Variants in DALRD3 observed in about 807,000 individuals in gnomAD.
The protein encoded by DALRD3 is DALR anticodon binding domain containing 3, also known as DALR anticodon-binding domain-containing protein 3.
Under a neutral mutation model 56.7 loss-of-function variants are expected in DALRD3, and 47 were observed. The observed-to-expected ratio is 0.83, with a 90% CI of 0.66 to 1.06. The LOEUF (loss-of-function observed/expected upper bound fraction) is 1.06, where lower values mean the gene tolerates loss of function less well. DALRD3 is among the 50% of genes least tolerant of loss of function. DALRD3 has a pLI of 0.00. For synonymous variants in DALRD3, 347 were observed against 308.5 expected, an observed-to-expected ratio of 1.12 and a Z score of -1.31; for missense variants, 787 against 724.0, an observed-to-expected ratio of 1.09 and a Z score of -1.00.
At position 49,018,097 on chromosome 3, in the gene DALRD3, G is replaced by C; in HGVS notation, c.387C>G (p.Pro129=). The part of the protein sequence containing the change: ...LLHCPALRSS[P]CALRLSQLRT... Reference sequence around the variant, plus strand: ...GCAGCTGGCTCAAGCGGAGTGCGCAGGGGGAGCTGCGCAGTGCTGGGCAGT... The same window carrying C: ...GCAGCTGGCTCAAGCGGAGTGCGCACGGGGAGCTGCGCAGTGCTGGGCAGT... Residue 129 remains proline (P), a synonymous_variant, in exon 2 of 12, where the codon CCC becomes CCG. Coordinates refer to ENST00000341949, the MANE Select transcript of DALRD3 (RefSeq NM_001009996.3). The C allele has an allele frequency of 6.7e-7, 1 of 1,486,894 alleles. No individual in the cohort carries two copies. The highest frequency in any genetic ancestry group is 1.4e-5 in the South Asian group (1 of 72,576). 92.1% of individuals were successfully genotyped at this position (1,486,894 alleles called of 1,614,324 possible).
Position 49,018,031 on chromosome 3 carries a change from G to C in DALRD3, c.453C>G (p.Arg151=), listed in dbSNP as rs1255131449. The C allele has an allele frequency of 3.4e-6, 5 of 1,485,590 alleles. No individual in the cohort carries two copies. The highest frequency in any genetic ancestry group is 4.4e-6 in the Non-Finnish European group (5 of 1,128,294). 92.0% of individuals were successfully genotyped at this position (1,485,590 alleles called of 1,614,324 possible). A position where few individuals can be genotyped will look rare whatever the true frequency, so the allele number is the denominator to read the frequency against. The change falls in exon 2 of 12, where the codon CGC becomes CGG. Residue 151 remains arginine (R), a synonymous_variant. Transcript: ENST00000341949. ...LVADHLARAL[R]AHGVCVRLVP... is the part of the protein sequence containing the mutation. ...CCCGCGGCCCCGCTCACCCGTGAGC[G>C]CGCAGGGCTCGCGCCAGGTGATCGG... is the stretch of plus-strand genomic sequence containing the variant.
At chr3:49,019,033 T>G, upstream of DALRD3, 2 of 985,218 alleles carry the variant, frequency 2.0e-6, no homozygotes, top group Non-Finnish European at 2.4e-6. Flanking sequence ...TGTTCCGCGG[T>G]TTCAGGTTAT....
In DALRD3 at chr3:49,018,300, G is replaced by C. The variant is rs2093115614; in HGVS notation, c.184C>G (p.His62Asp). The C allele has an allele frequency of 1.4e-6, 2 of 1,462,576 alleles. No individual in the cohort carries two copies. The highest frequency in any genetic ancestry group is 1.8e-6 in the Non-Finnish European group (2 of 1,114,238). The allele number at this position is 1,462,576 out of a possible 1,614,324, so 90.6% of individuals were successfully genotyped here. ...DDGQVPEHLL[H>D]ALACLQGPGV... Reference sequence around the variant, plus strand: ...GGGCCCTGCAGGCAGGCGAGGGCATGGAGCAAATGCTCCGGAACCTGCGGG... The same window carrying C: ...GGGCCCTGCAGGCAGGCGAGGGCATCGAGCAAATGCTCCGGAACCTGCGGG... Residue 62 changes from histidine to aspartate, a missense_variant, in exon 2 of 12, where the codon CAT (histidine) becomes GAT (aspartate). Coordinates refer to ENST00000341949, the MANE Select transcript of DALRD3 (RefSeq NM_001009996.3).
rs1191633892 is a variant in DALRD3 at position 49,015,819 on chromosome 3, C to T, written c.1497G>A (p.Arg499=). The T allele has an allele frequency of 3.7e-6, 6 of 1,614,012 alleles. No homozygotes were observed. The Admixed American group carries it at 8.3e-5, about 22-fold the overall frequency. ...LSMDFSSYYN[R]VHILGEPRPH... ...GTGTGCTCACCCCCAGGATGTGTACCCGGTTGTAGTAGGAGCTGAAATCCA... is the reference window on the plus strand; with the variant it reads ...GTGTGCTCACCCCCAGGATGTGTACTCGGTTGTAGTAGGAGCTGAAATCCA... Residue 499 remains arginine (R), a synonymous_variant, in exon 11 of 12, where the codon CGG becomes CGA. Coordinates refer to ENST00000341949, the MANE Select transcript of DALRD3 (RefSeq NM_001009996.3).
Position 49,016,180 on chromosome 3 carries a change from T to C in DALRD3, c.1307A>G (p.Asp436Gly), listed in dbSNP as rs1481978752. The change falls in exon 9 of 12, where the codon GAC becomes GGC. Residue 436 changes from aspartate (D) to glycine (G), a missense_variant. Coordinates refer to ENST00000341949, the MANE Select transcript of DALRD3 (RefSeq NM_001009996.3). ...CACCTCATCATGTAGCAGTGAGAAGTCCAGACTGCTCACAGGAGGAAAAGT... is the reference window on the plus strand; with the variant it reads ...CACCTCATCATGTAGCAGTGAGAAGCCCAGACTGCTCACAGGAGGAAAAGT... The part of the protein sequence containing the change: ...YPTFPPVSSL[D>G]FSLLHDEGEW... 1 of 1,614,040 alleles carries C rather than the reference T, an allele frequency of 6.2e-7. No homozygotes were observed. The highest frequency in any genetic ancestry group is 8.5e-7 in the Non-Finnish European group (1 of 1,179,982).
chr3:49,017,382 G>A, intron 4 of DALRD3, 26 bp from the exon 5 acceptor site: 1 of 1,614,156 alleles, frequency 6.2e-7, no homozygotes, highest in East Asian at 2.2e-5. Flanking sequence ...CATAACTGTG[G>A]AAGTACAGTA....
Position 49,016,315 on chromosome 3 carries a change from C to G in DALRD3, c.1172G>C (p.Ser391Thr), listed in dbSNP as rs1352951528. 2 of 1,609,386 alleles carry G rather than the reference C, an allele frequency of 1.2e-6. No homozygotes were observed. The highest frequency in any genetic ancestry group is 2.2e-5 in the East Asian group (1 of 44,740). ...SQLFLALADS[S>T]ISTKGTKSGT... ...ACTCTTTGTGCCCTTCGTGGAGATACTGCTGTCAGCCAGAGCCAGGAAGAG... is the reference window on the plus strand; with the variant it reads ...ACTCTTTGTGCCCTTCGTGGAGATAGTGCTGTCAGCCAGAGCCAGGAAGAG... Residue 391 changes from serine (S) to threonine (T), a missense_variant, in exon 9 of 12, where the codon AGT becomes ACT. Transcript: ENST00000341949.
At position 49,015,706 on chromosome 3, in the gene DALRD3, T is replaced by G. The variant is rs771608468; in HGVS notation, c.1514A>C (p.Glu505Ala). ...CTGACCAAAGAGGTGTGGTCGAGGC[T>G]CCTGAAAGAGAAAGGGCCTGCTGGT... ...SYYNRVHILG[E>A]PRPHLFGQMF... The change falls in exon 12 of 12, where the codon GAG becomes GCG. Residue 505 changes from glutamate (E) to alanine (A), a missense_variant and splice_region_variant. Coordinates refer to ENST00000341949, the MANE Select transcript of DALRD3 (RefSeq NM_001009996.3). 3.1e-6 allele frequency: 5 copies of G among 1,613,908 alleles called. No individual in the cohort carries two copies. The African/African-American group carries it at 5.3e-5, about 17-fold the overall frequency.
Position 49,018,387 on chromosome 3 carries a change from G to A in DALRD3, c.165+13C>T. 6.4e-7 allele frequency: 1 copy of A among 1,552,026 alleles called. No individual in the cohort carries two copies. On this transcript the variant is annotated intron_variant, in intron 1 of 11. Transcript: ENST00000341949. ...ATCTCCCGGCCGCACGGCCCCGCCC[G>A]GCTCACGCCCACCTGGCCGTCATCG... is the stretch of plus-strand genomic sequence containing the variant.
rs1430592678 is a variant in DALRD3 at position 49,018,233 on chromosome 3, C to G, written c.251G>C (p.Gly84Ala). ...PVLRCAPTPA[G>A]LSLQLQRSAV... Reference sequence around the variant, plus strand: ...GGACCGCTGCAGTTGGAGAGACAGACCCGCGGGGGTCGGCGCGCAGCGCAG... The same window carrying G: ...GGACCGCTGCAGTTGGAGAGACAGAGCCGCGGGGGTCGGCGCGCAGCGCAG... Residue 84 changes from glycine to alanine, a missense_variant, in exon 2 of 12, where the codon GGT becomes GCT. By Grantham distance (60) the Gly-to-Ala change is moderately conservative. Transcript: ENST00000341949. The G allele has an allele frequency of 4.2e-6, 6 of 1,438,808 alleles. No individual in the cohort carries two copies. The highest frequency in any genetic ancestry group is 5.4e-6 in the Non-Finnish European group (6 of 1,104,982). The allele number at this position is 1,438,808 out of a possible 1,614,324, so 89.1% of individuals were successfully genotyped here. A position where few individuals can be genotyped will look rare whatever the true frequency, so the allele number is the denominator to read the frequency against.
chr3:49,018,278 C>G lies in DALRD3; in HGVS notation c.206G>C (p.Gly69Ala). The G allele has an allele frequency of 6.9e-7, 1 of 1,447,370 alleles. No individual in the cohort carries two copies. Among genetic ancestry groups the G allele is most frequent in the Non-Finnish European group, 9.0e-7 (1 of 1,108,142 alleles). 89.7% of individuals were successfully genotyped at this position (1,447,370 alleles called of 1,614,324 possible). A position where few individuals can be genotyped will look rare whatever the true frequency, so the allele number is the denominator to read the frequency against. ...GCGCAGCACCGGGGCCACACCGGGGCCCTGCAGGCAGGCGAGGGCATGGAG... is the reference window on the plus strand; with the variant it reads ...GCGCAGCACCGGGGCCACACCGGGGGCCTGCAGGCAGGCGAGGGCATGGAG... Reference protein sequence around the residue: ...HLLHALACLQGPGVAPVLRCA... With the variant: ...HLLHALACLQAPGVAPVLRCA... The change falls in exon 2 of 12, where the codon GGC becomes GCC. Residue 69 changes from glycine to alanine, a missense_variant. Gly to Ala is a moderately conservative substitution (Grantham distance 60). Coordinates refer to ENST00000341949, the MANE Select transcript of DALRD3 (RefSeq NM_001009996.3).
At position 49,017,821 on chromosome 3, in the gene DALRD3, G is replaced by A. The variant is rs780008631; in HGVS notation, c.510C>T (p.Thr170=). 43 of 1,611,058 alleles carry A rather than the reference G, an allele frequency of 2.7e-5. No homozygotes were observed. The highest frequency in any genetic ancestry group is 3.4e-5 in the Non-Finnish European group (40 of 1,179,956). The part of the protein sequence containing the change: ...VPAVRDPHML[T]FLQQLRVDWP... ...AGTCCACCCGCAGTTGCTGCAGGAA[G>A]GTCAGCATGTGCGGATCCCGCACAG... The change falls in exon 3 of 12, where the codon ACC becomes ACT. Residue 170 remains threonine (T), a synonymous_variant. Coordinates refer to ENST00000341949, the MANE Select transcript of DALRD3 (RefSeq NM_001009996.3).
chr3:49,017,056 C>T, intron 5 of DALRD3, 172 bp downstream of exon 5: 3 of 987,128 alleles, frequency 3.0e-6, no homozygotes, highest in Non-Finnish European at 3.0e-6. Flanking sequence ...TGTCTACAGA[C>T]CCCCCTTCCC....
At chr3:49,019,257 G>A (rs2093130507), upstream of DALRD3, 1 of 156,394 alleles carries the variant, frequency 6.4e-6, no homozygotes, top group South Asian at 2.0e-4. Context: ...ATTTTTAGTA[G>A]AGACGGGGTT....
At chr3:49,020,002 C>CCCCCA (rs1236250395), upstream of DALRD3, 2 of 388,044 alleles carry the variant, frequency 5.2e-6, no homozygotes, top group East Asian at 6.9e-5. Context: ...ACTTACTCAC[C>CCCCCA]CCCCACCCCA....
upstream of DALRD3, chr3:49,020,489 C>G (rs1359911265): frequency 1.0e-5 from 4 of 389,648 alleles, no homozygotes; most frequent in Admixed American, 9.3e-5. Context: ...GGCCACCAGC[C>G]TCGGCTCTCC....
upstream of DALRD3, chr3:49,020,050 G>C (rs1459325084): frequency 3.9e-6 from 2 of 507,574 alleles, no homozygotes; most frequent in African/African-American, 2.0e-5. Context: ...ACTCAGTAGA[G>C]AGAGTTGGGA....
At chr3:49,015,903 C>G (rs1179693342) in intron 10 of DALRD3, 31 bp from the exon 11 acceptor site, 8 of 1,614,220 alleles carry the variant, frequency 5.0e-6, no homozygotes, top group Middle Eastern at 3.3e-4. Flanking sequence ...ACTGGCCCAT[C>G]TCTTTGCTCT....
At chr3:49,020,041 C>T (rs1025342309), upstream of DALRD3, 2 of 491,458 alleles carry the variant, frequency 4.1e-6, no homozygotes, top group Non-Finnish European at 4.1e-6. Flanking sequence ...GAGAAGCTAA[C>T]TCAGTAGAGA....
Sources: allele counts gnomAD v4.1 joint callset, GRCh38; gene constraint gnomAD v4.1.1; transcripts MANE v1.5; gene names NCBI Gene and HGNC (gene_info 2026-07-23, HGNC 2026-07-21).